Variants in CAMK4 observed in about 807,000 individuals in gnomAD.
CAMK4 encodes calcium/calmodulin dependent protein kinase IV.
A neutral mutation model predicts 44.9 loss-of-function variants in CAMK4; 22 were observed. That is an observed-to-expected ratio of 0.49 (90% confidence interval 0.35 to 0.70). The LOEUF (loss-of-function observed/expected upper bound fraction) is 0.70. CAMK4 is among the 30% of genes least tolerant of loss of function. CAMK4 has a pLI of 0.01. For missense variants in CAMK4, 498 were observed against 586.8 expected (o/e 0.85, Z 1.56); for synonymous variants, 218 against 215.4 (o/e 1.01, Z -0.11).
chr5:111,329,052 G>C (rs1749034095), intron 1 of CAMK4, among the ~76,000 whole-genome samples: 1 of 151,886 alleles, frequency 6.6e-6, no homozygotes, highest in East Asian at 1.9e-4. Flanking sequence ...CTTCATCCCT[G>C]GGTTGCAAGG....
intron 3 of CAMK4, 72 bp from the exon 4 acceptor site, chr5:111,376,788 A>G (rs1751228657): frequency 1.2e-6 from 1 of 856,232 alleles, no homozygotes; most frequent in African/African-American, 1.7e-5. Flanking sequence ...TGTTTTAGCC[A>G]TAGTATTAGC....
intron 5 of CAMK4, among the ~76,000 whole-genome samples, chr5:111,432,432 C>CTACTAT (rs930536512): frequency 2.9e-4 from 44 of 151,592 alleles, no homozygotes; most frequent in African/African-American, 1.0e-3. Context: ...TGAATAAGGC[C>CTACTAT]TACTATTTGA....
Position 111,391,342 on chromosome 5 carries a change from G to C in CAMK4, c.387-3368G>C, listed in dbSNP as rs577910849. Among the ~76,000 whole-genome samples the C allele has an allele frequency of 4.6e-5, 7 of 152,172 alleles. No homozygotes were observed. In the South Asian group the frequency reaches 1.4e-3, roughly 32 times the overall value. On this transcript the variant is annotated intron_variant, in intron 4 of 10. Coordinates refer to ENST00000282356, the MANE Select transcript of CAMK4 (RefSeq NM_001744.6). The stretch of plus-strand genomic sequence containing the variant: ...AAAAGATATCCTGAACTATCACTCT[G>C]TCAAAAGGTTAAGTAAACCAATTTG...
At chr5:111,483,995 T>C in intron 10 of CAMK4, 31 bp from the exon 11 acceptor site, 1 of 1,502,770 alleles carries the variant, frequency 6.7e-7, no homozygotes, top group Non-Finnish European at 8.9e-7. Context: ...AAAGCAGAGG[T>C]AACACTTGAC....
chr5:111,228,509 G>GGTGTGTGTGTGTGTGTGT (rs373248608), intron 1 of CAMK4, among the ~76,000 whole-genome samples: 8 of 145,254 alleles, frequency 5.5e-5, no homozygotes, highest in South Asian at 2.2e-4. Context: ...CATAGTAAGG[G>GGTGTGTGTGTGTGTGTGT]GTGTGTGTGT....
rs145818403 is a variant in CAMK4 at position 111,238,483 on chromosome 5, A to T, written c.161+13839A>T. On this transcript the variant is annotated intron_variant, in intron 1 of 10. Coordinates refer to ENST00000282356, the MANE Select transcript of CAMK4 (RefSeq NM_001744.6). ...TCTGCAAGCCTGGAAGAGAGTTCTCATCAGAACCCGACCACACTGGCACCC... is the reference window on the plus strand; with the variant it reads ...TCTGCAAGCCTGGAAGAGAGTTCTCTTCAGAACCCGACCACACTGGCACCC... Among the ~76,000 whole-genome samples, 55 of 152,162 alleles carry T rather than the reference A, an allele frequency of 3.6e-4. No individual in the cohort carries two copies. In the East Asian group the frequency reaches 9.7e-3, roughly 27 times the overall value.
At chr5:111,241,021 A>G (rs1748966052) in intron 1 of CAMK4, among the ~76,000 whole-genome samples, 1 of 152,150 alleles carries the variant, frequency 6.6e-6, no homozygotes, top group Non-Finnish European at 1.5e-5. Context: ...GCCTTTTTTC[A>G]CAGGATTATT....
At chr5:111,389,580 C>T (rs566584567) in intron 4 of CAMK4, among the ~76,000 whole-genome samples, 8 of 152,288 alleles carry the variant, frequency 5.3e-5, no homozygotes, top group African/African-American at 1.9e-4. Context: ...TCTTCAACCA[C>T]AAGGAGTGCC....
chr5:111,418,740 G>A lies in CAMK4; in HGVS notation c.459+23958G>A, dbSNP rs181394159. ...AGTTTACTGAGAATGATGGTTTCCA[G>A]TTTCATCCATGTCCCTACAAAGGAC... On this transcript the variant is annotated intron_variant, in intron 5 of 10. Transcript: ENST00000282356. Among the ~76,000 whole-genome samples, 64 of 152,114 alleles carry A rather than the reference G, an allele frequency of 4.2e-4. 1 individual carries two copies. The East Asian group carries it at 0.01, about 24-fold the overall frequency.
chr5:111,229,654 G>A (rs936830082), intron 1 of CAMK4, among the ~76,000 whole-genome samples: 7 of 152,168 alleles, frequency 4.6e-5, no homozygotes, highest in Non-Finnish European at 8.8e-5. Context: ...TGGCCTATCT[G>A]GGTAGGTATA....
intron 1 of CAMK4, among the ~76,000 whole-genome samples, chr5:111,320,593 G>A (rs1580584725): frequency 6.6e-6 from 1 of 152,046 alleles, no homozygotes. Flanking sequence ...CACAACCTCC[G>A]CCTCCCTGGT....
rs1240157407 is a variant in CAMK4, at chr5:111,482,754, TC to T, written c.829-30del. 6.3e-7 allele frequency: 1 copy of T among 1,581,936 alleles called. No individual in the cohort carries two copies. ...GCAAGCCCAGGTCATCCTAAAAACC[TC>T]GCTAAGTTTATGGTTCTTTATTATT... On this transcript the variant is annotated intron_variant, in intron 9 of 10. Coordinates refer to ENST00000282356, the MANE Select transcript of CAMK4 (RefSeq NM_001744.6). The surrounding 1 kb of genome is among the most constrained non-coding windows in gnomAD (Gnocchi z 4.9).
In CAMK4 at chr5:111,224,470, G is replaced by A. The variant is rs777843446; in HGVS notation, c.-14G>A. On this transcript the variant is annotated 5_prime_UTR_variant, in exon 1 of 11. Transcript: ENST00000282356. This position sits in a 1 kb window ranked among gnomAD's most constrained non-coding sequence, Gnocchi z 5.7. ...GGCGGCGGCGGCGGCGGCTTCCGGA[G>A]TCCCGCTGCGAAGATGCTCAAAGTC... is the stretch of plus-strand genomic sequence containing the variant. The A allele has an allele frequency of 4.5e-5, 72 of 1,585,002 alleles. No homozygotes were observed. Among genetic ancestry groups the A allele is most frequent in the Non-Finnish European group, 5.6e-5 (65 of 1,169,168 alleles).
chr5:111,281,982 C>T (rs1284509245), intron 1 of CAMK4, among the ~76,000 whole-genome samples: 2 of 151,748 alleles, frequency 1.3e-5, no homozygotes, highest in African/African-American at 4.8e-5. Context: ...GGCGTGAACC[C>T]CAGGGGGCGG....
chr5:111,486,542 C>CACACACACACACACACAAT lies in CAMK4; in HGVS notation c.*2076_*2077insACACACACACACACACAAT, dbSNP rs139004418. ...ACACACACACACACACACACACACA[C>CACACACACACACACACAAT]GTGTTGGAAGAGCAAAGAGAGGGAA... On this transcript the variant is annotated 3_prime_UTR_variant, in exon 11 of 11. Coordinates refer to ENST00000282356, the MANE Select transcript of CAMK4 (RefSeq NM_001744.6). 2 of 147,244 alleles carry CACACACACACACACACAAT rather than the reference C, an allele frequency of 1.4e-5. No homozygotes were observed. Among genetic ancestry groups the CACACACACACACACACAAT allele is most frequent in the African/African-American group, 5.0e-5 (2 of 39,760 alleles). The allele number at this position is 147,244 out of a possible 1,614,324, so 9.1% of individuals were successfully genotyped here. A position where few individuals can be genotyped will look rare whatever the true frequency, so the allele number is the denominator to read the frequency against.
At chr5:111,410,996 A>G (rs768829600) in intron 5 of CAMK4, among the ~76,000 whole-genome samples, 1 of 152,010 alleles carries the variant, frequency 6.6e-6, no homozygotes, top group Non-Finnish European at 1.5e-5. Flanking sequence ...CTTTTCTCAG[A>G]TTTTTTTTGT....
intron 1 of CAMK4, among the ~76,000 whole-genome samples, chr5:111,311,832 G>A (rs1748217470): frequency 6.6e-6 from 1 of 152,110 alleles, no homozygotes; most frequent in Non-Finnish European, 1.5e-5. Context: ...ATCAATATGG[G>A]TAATTTGTCA....
chr5:111,342,614 TTACATTTAATGTAATTA>T (rs2112749747), intron 1 of CAMK4, among the ~76,000 whole-genome samples: 1 of 151,740 alleles, frequency 6.6e-6, no homozygotes, highest in South Asian at 2.1e-4. Context: ...TTTATAATGT[TTACATTTAATGTAATTA>T]TATGATTAGA....
chr5:111,309,667 G>T (rs1748114730), intron 1 of CAMK4, among the ~76,000 whole-genome samples: 1 of 152,102 alleles, frequency 6.6e-6, no homozygotes, highest in Non-Finnish European at 1.5e-5. Flanking sequence ...TGTTCACCTG[G>T]AGTTTTCCAG....
Sources: allele counts gnomAD v4.1 joint callset (sites outside exome capture counted in the v4.1 genomes callset), GRCh38; gene constraint gnomAD v4.1.1; non-coding constraint Gnocchi (gnomAD v3.1); transcripts MANE v1.5; gene names NCBI Gene and HGNC (gene_info 2026-07-23, HGNC 2026-07-21).